Variants in CSMD1 observed in about 807,000 individuals in gnomAD.
CSMD1 encodes the protein CUB and Sushi multiple domains 1, also known as CUB and sushi domain-containing protein 1.
In CSMD1, 213 loss-of-function variants were observed where a neutral mutation model predicts 417.5. That is an observed-to-expected ratio of 0.51 (90% CI 0.46 to 0.57). The LOEUF (loss-of-function observed/expected upper bound fraction) is 0.57. Ranked by LOEUF, CSMD1 falls within the 20% of genes least tolerant of loss-of-function variation. The pLI, the probability that CSMD1 is intolerant of heterozygous loss-of-function variation, is 0.00. For synonymous variants in CSMD1, 2,862 were observed against 1,736.8 expected, an observed-to-expected ratio of 1.65 and a Z score of -16.11; for missense variants, 6,923 against 4,529.7, an observed-to-expected ratio of 1.53 and a Z score of -15.17.
chr8:4,016,048 G>A (rs1347968183), intron 4 of CSMD1, among the ~76,000 whole-genome samples: 5 of 152,128 alleles, frequency 3.3e-5, no homozygotes, highest in African/African-American at 9.7e-5. Flanking sequence ...TAAGCTCTCA[G>A]AGAATGTGAT....
intron 50 of CSMD1, among the ~76,000 whole-genome samples, chr8:3,047,929 G>A (rs1053627003): frequency 2.0e-5 from 3 of 152,142 alleles, no homozygotes; most frequent in African/African-American, 7.2e-5. Flanking sequence ...ATTCTGTTCT[G>A]GATGTATTCA....
chr8:3,256,305 T>G (rs1427635630), intron 26 of CSMD1, among the ~76,000 whole-genome samples: 1 of 54,306 alleles, frequency 1.8e-5, no homozygotes, highest in Admixed American at 2.8e-4. Flanking sequence ...AGACTAAGTC[T>G]CAAGAAAAAA....
At chr8:4,812,769 G>C (rs1179770705) in intron 1 of CSMD1, among the ~76,000 whole-genome samples, 1 of 152,150 alleles carries the variant, frequency 6.6e-6, no homozygotes, top group Non-Finnish European at 1.5e-5. Flanking sequence ...TTGAGTTTGT[G>C]TTCTCATGCA....
chr8:4,669,155 T>C (rs1479894625), intron 1 of CSMD1, among the ~76,000 whole-genome samples: 1 of 152,206 alleles, frequency 6.6e-6, no homozygotes, highest in Non-Finnish European at 1.5e-5. Flanking sequence ...CTTCTTCGCT[T>C]CCTTTAGGGC....
intron 26 of CSMD1, among the ~76,000 whole-genome samples, chr8:3,255,109 G>C (rs191627849): frequency 6.6e-6 from 1 of 152,106 alleles, no homozygotes; most frequent in Non-Finnish European, 1.5e-5. Context: ...CTCAGCTGCC[G>C]GTCTCTTGGA....
chr8:4,051,384 C>A (rs1374862315), intron 3 of CSMD1, among the ~76,000 whole-genome samples: 1 of 151,904 alleles, frequency 6.6e-6, no homozygotes, highest in Non-Finnish European at 1.5e-5. Context: ...TCCCGGAGGG[C>A]TGATCCAACC....
At chr8:2,993,270 G>A (rs531860359) in intron 54 of CSMD1, among the ~76,000 whole-genome samples, 1 of 152,310 alleles carries the variant, frequency 6.6e-6, no homozygotes, top group East Asian at 1.9e-4. Context: ...TCCAAAATTT[G>A]AAGCAACAAA....
intron 52 of CSMD1, among the ~76,000 whole-genome samples, chr8:3,012,712 TC>T (rs1255860375): frequency 1.3e-5 from 2 of 152,184 alleles, no homozygotes; most frequent in African/African-American, 4.8e-5. Flanking sequence ...GTTTGGAAGA[TC>T]CACCTGTTTA....
At chr8:4,711,452 T>A (rs1808291307) in intron 1 of CSMD1, among the ~76,000 whole-genome samples, 1 of 152,104 alleles carries the variant, frequency 6.6e-6, no homozygotes, top group Admixed American at 6.5e-5. Context: ...CAAACAAAGG[T>A]GTGAAAGTAC....
chr8:3,997,413 T>C (rs968707815), intron 5 of CSMD1, among the ~76,000 whole-genome samples: 1 of 152,038 alleles, frequency 6.6e-6, no homozygotes, highest in Admixed American at 6.6e-5. Context: ...TGTTAAGTTA[T>C]TTTGCCTTTG....
At chr8:4,454,391 G>A (rs772380536) in intron 2 of CSMD1, among the ~76,000 whole-genome samples, 2 of 152,046 alleles carry the variant, frequency 1.3e-5, no homozygotes, top group Non-Finnish European at 2.9e-5. Flanking sequence ...TCAAAATTTG[G>A]CTCTGGTATA....
intron 41 of CSMD1, among the ~76,000 whole-genome samples, chr8:3,120,079 A>G (rs1188237231): frequency 6.6e-6 from 1 of 152,230 alleles, no homozygotes; most frequent in Non-Finnish European, 1.5e-5. Flanking sequence ...CAAATGCTGG[A>G]AAAGGAAACA....
intron 9 of CSMD1, among the ~76,000 whole-genome samples, chr8:3,576,212 C>A (rs17066428): frequency 2.6e-5 from 4 of 151,932 alleles, no homozygotes; most frequent in African/African-American, 9.7e-5. Context: ...AACCACTGAA[C>A]GCAGGTTTTC....
intron 2 of CSMD1, among the ~76,000 whole-genome samples, chr8:4,589,226 T>A (rs143200954): frequency 3.2e-4 from 49 of 152,310 alleles, no homozygotes; most frequent in African/African-American, 1.0e-3. Context: ...GAACTACATT[T>A]TTCTATATTG....
In CSMD1 at chr8:3,616,735, C is replaced by T. The variant is rs1040841085; in HGVS notation, c.1072G>A (p.Gly358Ser). The T allele has an allele frequency of 1.9e-6, 3 of 1,612,258 alleles. No individual in the cohort carries two copies. Among genetic ancestry groups the T allele is most frequent in the Non-Finnish European group, 1.7e-6 (2 of 1,178,916 alleles). The change falls in exon 8 of 70, where the codon GGT becomes AGT. Residue 358 changes from glycine (G) to serine (S), a missense_variant. Physicochemically the swap from Gly to Ser is moderately conservative, Grantham distance 56 (BLOSUM62 0). Coordinates refer to ENST00000635120, the MANE Select transcript of CSMD1 (RefSeq NM_033225.6). ...MCPDPGIPENGRRAGSDFRVG... is the reference protein window; with the variant it reads ...MCPDPGIPENSRRAGSDFRVG... The stretch of plus-strand genomic sequence containing the variant: ...CTGAAGTCGGAACCTGCTCTTCTAC[C>T]ATTTTCTGGAATCCCAGGATCTGGA...
chr8:3,982,640 A>G (rs1184802208), intron 5 of CSMD1, among the ~76,000 whole-genome samples: 1 of 151,890 alleles, frequency 6.6e-6, no homozygotes, highest in Non-Finnish European at 1.5e-5. Context: ...CCATTAAATT[A>G]TGTGGGGCAA....
In CSMD1 at chr8:4,571,037, CTTCTTT is replaced by C. The variant is rs1481317702; in HGVS notation, c.302+66299_302+66304del. On this transcript the variant is annotated intron_variant, in intron 2 of 69. Coordinates refer to ENST00000635120, the MANE Select transcript of CSMD1 (RefSeq NM_033225.6). ...GTCTATTTGATTCTTCTCTCTTCTT[CTTCTTT>C]ATTAGTCTGGCTAGCAGTCTATCAA... is the stretch of plus-strand genomic sequence containing the variant. Among the ~76,000 whole-genome samples the C allele has an allele frequency of 2.6e-5, 4 of 152,054 alleles. No homozygotes were observed. In the East Asian group the frequency reaches 7.7e-4, roughly 29 times the overall value.
intron 2 of CSMD1, among the ~76,000 whole-genome samples, chr8:4,433,839 G>GA (rs141856139): frequency 0.12 from 18,596 of 151,974 alleles, 1,498 homozygotes; most frequent in Admixed American, 0.21. Flanking sequence ...GAAAAAAAGG[G>GA]AAAAAAGACT....
intron 3 of CSMD1, among the ~76,000 whole-genome samples, chr8:4,359,093 T>C (rs986204529): frequency 6.6e-6 from 1 of 152,124 alleles, no homozygotes; most frequent in Admixed American, 6.6e-5. Context: ...CATAGTATAT[T>C]AATAAATGCA....
Sources: gnomAD v4.1 joint callset for allele counts (sites outside exome capture counted in the v4.1 genomes callset) on GRCh38, gnomAD v4.1.1 for gene constraint, MANE v1.5 for transcripts, NCBI Gene and HGNC (gene_info 2026-07-23, HGNC 2026-07-21) for gene names.